CD99L2: variants seen among roughly 807,000 people sequenced by gnomAD.
CD99L2 encodes CD99 antigen-like protein 2.
A neutral mutation model predicts 27.3 loss-of-function variants in CD99L2; 24 were observed. The ratio of observed to expected loss-of-function variants is 0.88; its 90% CI spans 0.64 to 1.24. The LOEUF (loss-of-function observed/expected upper bound fraction) is 1.24. Among genes scored for constraint, CD99L2 ranks in the 50% most tolerant of loss-of-function variants. CD99L2 has a pLI of 0.00. For synonymous variants in CD99L2, 97 were observed against 87.9 expected (o/e 1.10, Z -0.58); for missense variants, 255 against 221.6 (o/e 1.15, Z -0.96).
intron 1 of CD99L2, among the ~76,000 whole-genome samples, chrX:150,865,094 A>T (rs1255440266): frequency 9.1e-6 from 1 of 110,153 alleles, no homozygotes; most frequent in Non-Finnish European, 1.9e-5. Flanking sequence ...TAAATTTTAC[A>T]TATGTGTATT....
intron 2 of CD99L2, among the ~76,000 whole-genome samples, chrX:150,824,707 G>GGAGGAA (rs1557420879): frequency 1.4e-4 from 13 of 93,619 alleles, no homozygotes; most frequent in Non-Finnish European, 2.1e-4. Flanking sequence ...AAGAGGAAGA[G>GGAGGAA]GAAGAAGAAG....
chrX:150,820,216 A>G (rs1167311660), intron 2 of CD99L2, among the ~76,000 whole-genome samples: 1 of 109,183 alleles, frequency 9.2e-6, no homozygotes, highest in African/African-American at 3.3e-5. Context: ...GTAGTTCAAC[A>G]CAGTAAAATC....
chrX:150,816,346 T>C, intron 2 of CD99L2: 1 of 353,957 alleles, frequency 2.8e-6, no homozygotes, highest in Non-Finnish European at 5.0e-6. Context: ...TTAGTGAACC[T>C]GGGCTTGCAC....
intron 2 of CD99L2, among the ~76,000 whole-genome samples, chrX:150,822,819 A>G: frequency 8.9e-6 from 1 of 112,251 alleles, no homozygotes; most frequent in Non-Finnish European, 1.9e-5. Context: ...ACCTCAATAA[A>G]TTATTTTTTT....
intron 1 of CD99L2, among the ~76,000 whole-genome samples, chrX:150,864,956 C>A (rs781847111): frequency 1.8e-5 from 2 of 109,511 alleles, no homozygotes; most frequent in Non-Finnish European, 3.8e-5. Flanking sequence ...GTCCCAGCTA[C>A]TGGAAAAGCA....
chrX:150,795,460 T>C lies in CD99L2; in HGVS notation c.304A>G (p.Thr102Ala). Reference sequence around the variant, plus strand: ...GCTCTGGTGGTTACTGGCCTCTTGGTCGTGGTGGTTACATGGTTCCATCTC... The same window carrying C: ...GCTCTGGTGGTTACTGGCCTCTTGGCCGTGGTGGTTACATGGTTCCATCTC... ...RERWNHVTTTTKRPVTTRAPA... is the reference protein window; with the variant it reads ...RERWNHVTTTAKRPVTTRAPA... The change falls in exon 5 of 11, where the codon ACC becomes GCC. Residue 102 changes from threonine to alanine, a missense_variant. By Grantham distance (58) the Thr-to-Ala change is moderately conservative (BLOSUM62 0). Transcript: ENST00000370377. The C allele has an allele frequency of 2.5e-6, 3 of 1,211,161 alleles. No homozygotes were observed. Among genetic ancestry groups the C allele is most frequent in the Middle Eastern group, 2.3e-4 (1 of 4,346 alleles).
intron 1 of CD99L2, among the ~76,000 whole-genome samples, chrX:150,831,822 C>T (rs2046449170): frequency 9.0e-6 from 1 of 111,625 alleles, no homozygotes; most frequent in Non-Finnish European, 1.9e-5. Context: ...TCATTATATG[C>T]TAAAGGGGTC....
chrX:150,777,540 G>A (rs200229901), intron 7 of CD99L2, 58 bp from the exon 8 acceptor site: 3 of 1,134,498 alleles, frequency 2.6e-6, no homozygotes, highest in Non-Finnish European at 3.6e-6. Flanking sequence ...GCTCGAGCTC[G>A]GGCCTCCGCG....
chrX:150,815,420 G>A (rs1379403287), intron 3 of CD99L2, among the ~76,000 whole-genome samples: 5 of 111,927 alleles, frequency 4.5e-5, no homozygotes, highest in Non-Finnish European at 5.6e-5. Context: ...AAGAAAGGTA[G>A]CTCTCTACCG....
intron 3 of CD99L2, 94 bp downstream of exon 3, chrX:150,815,913 G>A: frequency 1.0e-5 from 9 of 864,620 alleles, no homozygotes; most frequent in Non-Finnish European, 1.6e-5. Flanking sequence ...TGCACACATG[G>A]GGCTTAAAAC....
chrX:150,885,859 G>A (rs1475618835), intron 1 of CD99L2, among the ~76,000 whole-genome samples: 1 of 111,774 alleles, frequency 8.9e-6, no homozygotes, highest in Non-Finnish European at 1.9e-5. Context: ...TCACTGGTTC[G>A]CAGAAAATCA....
At chrX:150,883,683 T>C (rs1292107118) in intron 1 of CD99L2, among the ~76,000 whole-genome samples, 3 of 111,109 alleles carry the variant, frequency 2.7e-5, no homozygotes, top group African/African-American at 9.8e-5. Flanking sequence ...ATATTTCAGT[T>C]ACAATAAGCA....
chrX:150,866,482 C>T (rs1349438574), intron 1 of CD99L2, among the ~76,000 whole-genome samples: 1 of 110,888 alleles, frequency 9.0e-6, no homozygotes, highest in African/African-American at 3.3e-5. Flanking sequence ...CCTGTAATCT[C>T]AATACTTTGG....
chrX:150,890,239 G>T (rs2047487894), intron 1 of CD99L2, among the ~76,000 whole-genome samples: 1 of 111,675 alleles, frequency 9.0e-6, no homozygotes, highest in African/African-American at 3.3e-5. Context: ...AGCACTTTGT[G>T]AGGCCATGAC....
intron 1 of CD99L2, among the ~76,000 whole-genome samples, chrX:150,857,078 A>C (rs2046901974): frequency 8.9e-6 from 1 of 111,876 alleles, no homozygotes; most frequent in Admixed American, 9.5e-5. Flanking sequence ...ATAAAGAAAA[A>C]AGATAAAAAA....
chrX:150,832,594 A>G (rs950700317), intron 1 of CD99L2, among the ~76,000 whole-genome samples: 2 of 112,429 alleles, frequency 1.8e-5, no homozygotes, highest in South Asian at 3.7e-4. Context: ...AAGATCAGGA[A>G]CAAGACAACA....
At chrX:150,885,365 AAAC>A (rs200391559) in intron 1 of CD99L2, among the ~76,000 whole-genome samples, 1,385 of 108,699 alleles carry the variant, frequency 0.013, 16 homozygotes, top group Middle Eastern at 0.065. Flanking sequence ...TTCTACAAAA[AAAC>A]AACAACAACA....
intron 10 of CD99L2, among the ~76,000 whole-genome samples, chrX:150,769,675 GCCTGCGCCACCAGGCCTCGGCTGCTCCC>G (rs1569565821): frequency 1.1e-5 from 1 of 90,946 alleles, no homozygotes; most frequent in African/African-American, 5.8e-5. Context: ...TAGTCTCCCT[GCCTGCGCCACCAGGCCTCGGCTGCTCCC>G]CGACCCCAGC....
At chrX:150,770,433 G>A in intron 9 of CD99L2, 64 bp from the exon 10 acceptor site, 3 of 1,034,846 alleles carry the variant, frequency 2.9e-6, no homozygotes, top group East Asian at 3.0e-5. Context: ...AATCGTGACT[G>A]AGAACTCCTG....
Sources: allele counts gnomAD v4.1 joint callset (sites outside exome capture counted in the v4.1 genomes callset), GRCh38; gene constraint gnomAD v4.1.1; transcripts MANE v1.5; gene names NCBI Gene and HGNC (gene_info 2026-07-23, HGNC 2026-07-21).